The following HTR2C variants were observed in gnomAD, a reference collection of about 807,000 sequenced individuals.
HTR2C encodes 5-hydroxytryptamine (serotonin) receptor 2C, G protein-coupled.
A neutral mutation model predicts 21.0 loss-of-function variants in HTR2C; 5 were observed. The observed-to-expected ratio is 0.24, with a 90% CI of 0.12 to 0.50. The LOEUF (loss-of-function observed/expected upper bound fraction) is 0.50, where lower values mean the gene tolerates loss of function less well. HTR2C is among the 20% of genes least tolerant of loss of function. The pLI, the probability that HTR2C is intolerant of heterozygous loss-of-function variation, is 0.98. For synonymous variants in HTR2C, 150 were observed against 145.3 expected (o/e 1.03, Z -0.23); for missense variants, 271 against 371.2 (o/e 0.73, Z 2.22).
rs1927302873 is a variant in HTR2C at position 114,584,511 on chromosome X, C to T, written c.-295C>T. The T allele has an allele frequency of 8.8e-6, 1 of 113,141 alleles. No homozygotes were observed. The highest frequency in any genetic ancestry group is 1.9e-5 in the Non-Finnish European group (1 of 53,336). 9.3% of individuals were successfully genotyped at this position (113,141 alleles called of 1,213,427 possible). A position where few individuals can be genotyped will look rare whatever the true frequency, so the allele number is the denominator to read the frequency against. On this transcript the variant is annotated 5_prime_UTR_variant, in exon 1 of 6. Coordinates refer to ENST00000276198, the MANE Select transcript of HTR2C (RefSeq NM_000868.4). Reference sequence around the variant, plus strand: ...CCGAGCTCCCTCCATTCCTCTCCCTCCGCCGAGGCGCGAGGTTGCGGCGCG... The same window carrying T: ...CCGAGCTCCCTCCATTCCTCTCCCTTCGCCGAGGCGCGAGGTTGCGGCGCG...
At chrX:114,894,643 G>A (rs1409010533) in intron 5 of HTR2C, among the ~76,000 whole-genome samples, 1 of 111,430 alleles carries the variant, frequency 9.0e-6, no homozygotes, top group Non-Finnish European at 1.9e-5. Flanking sequence ...TTATGTGCTT[G>A]TAAATTATAT....
chrX:114,595,979 T>A (rs188972019), intron 1 of HTR2C, among the ~76,000 whole-genome samples: 2 of 112,194 alleles, frequency 1.8e-5, no homozygotes, highest in East Asian at 5.6e-4. Flanking sequence ...CTTACTTTCA[T>A]GACTATTAGC....
At chrX:114,649,188 T>C (rs1310821375) in intron 2 of HTR2C, among the ~76,000 whole-genome samples, 4 of 112,217 alleles carry the variant, frequency 3.6e-5, no homozygotes, top group African/African-American at 1.3e-4. Context: ...TCTAATACAC[T>C]TTTCAAGCAC....
At chrX:114,746,946 C>T (rs1278864766) in intron 4 of HTR2C, among the ~76,000 whole-genome samples, 2 of 110,881 alleles carry the variant, frequency 1.8e-5, no homozygotes, top group Non-Finnish European at 3.8e-5. Flanking sequence ...GATCGAGCCA[C>T]TGCACTCCAG....
In HTR2C at chrX:114,801,205, T is replaced by C. The variant is rs1336317444; in HGVS notation, c.350-46798T>C. Among the ~76,000 whole-genome samples, 5 of 111,553 alleles carry C rather than the reference T, an allele frequency of 4.5e-5. No individual in the cohort carries two copies. In the South Asian group the frequency reaches 1.9e-3, roughly 41 times the overall value. On this transcript the variant is annotated intron_variant, in intron 4 of 5. Transcript: ENST00000276198. ...GTATTAACCCGTAAGCATTTAAAAA[T>C]ACTTGTCTAGATCACATGGAAGAGG...
intron 2 of HTR2C, among the ~76,000 whole-genome samples, chrX:114,629,315 T>C (rs781868720): frequency 8.9e-6 from 1 of 111,830 alleles, no homozygotes; most frequent in Non-Finnish European, 1.9e-5. Context: ...ACTTTTAAAT[T>C]GTTTTCCTCC....
intron 1 of HTR2C, among the ~76,000 whole-genome samples, chrX:114,604,917 G>A (rs1377723841): frequency 3.6e-5 from 4 of 111,138 alleles, no homozygotes; most frequent in Non-Finnish European, 7.6e-5. Context: ...CCTTGAAGGC[G>A]AGGTTAATTA....
chrX:114,688,718 G>A (rs782698996), intron 2 of HTR2C, among the ~76,000 whole-genome samples: 3 of 111,735 alleles, frequency 2.7e-5, no homozygotes, highest in South Asian at 3.7e-4. Flanking sequence ...GTAAATAGGC[G>A]TTTTGTTTAA....
At chrX:114,638,499 G>GTTTATTTATTTATTTATTTA (rs200717009) in intron 2 of HTR2C, among the ~76,000 whole-genome samples, 2,435 of 100,706 alleles carry the variant, frequency 0.024, 32 homozygotes, top group South Asian at 0.042. Context: ...TATGTAATAC[G>GTTTATTTATTTATTTATTTA]TTTATTTATT....
At chrX:114,660,718 C>T (rs1362926768) in intron 2 of HTR2C, among the ~76,000 whole-genome samples, 1 of 111,510 alleles carries the variant, frequency 9.0e-6, no homozygotes, top group Non-Finnish European at 1.9e-5. Context: ...AGTACAATGC[C>T]CTTTTTAGGA....
At chrX:114,720,517 T>C (rs1291797158) in intron 2 of HTR2C, among the ~76,000 whole-genome samples, 4 of 10,540 alleles carry the variant, frequency 3.8e-4, no homozygotes, top group African/African-American at 6.4e-4. Flanking sequence ...TTTCTTTTTC[T>C]TTTTTTTTTT....
intron 4 of HTR2C, among the ~76,000 whole-genome samples, chrX:114,752,480 C>G (rs1055233737): frequency 4.5e-5 from 5 of 110,897 alleles, no homozygotes; most frequent in African/African-American, 6.5e-5. Flanking sequence ...GCCTTCTGGT[C>G]CACTGTACCA....
At chrX:114,689,424 A>G (rs1183277232) in intron 2 of HTR2C, among the ~76,000 whole-genome samples, 1 of 109,361 alleles carries the variant, frequency 9.1e-6, no homozygotes, top group Non-Finnish European at 1.9e-5. Context: ...TTCTTTAAGG[A>G]ATCTCCGTAC....
At chrX:114,657,972 C>T (rs1396950919) in intron 2 of HTR2C, among the ~76,000 whole-genome samples, 1 of 110,993 alleles carries the variant, frequency 9.0e-6, no homozygotes, top group Non-Finnish European at 1.9e-5. Context: ...AATAAAAAAA[C>T]AAGATGCCCA....
intron 4 of HTR2C, among the ~76,000 whole-genome samples, chrX:114,792,657 T>C (rs781863522): frequency 4.5e-5 from 5 of 111,745 alleles, no homozygotes; most frequent in African/African-American, 1.6e-4. Flanking sequence ...CTGGGTCAAA[T>C]GGTATTTCTG....
intron 4 of HTR2C, among the ~76,000 whole-genome samples, chrX:114,843,434 G>A (rs1001700022): frequency 9.0e-6 from 1 of 111,387 alleles, no homozygotes; most frequent in Non-Finnish European, 1.9e-5. Flanking sequence ...CCAGTCCAAG[G>A]AGCATAAAGA....
intron 2 of HTR2C, among the ~76,000 whole-genome samples, chrX:114,638,603 A>C (rs1366342643): frequency 6.6e-5 from 7 of 105,646 alleles, no homozygotes; most frequent in Non-Finnish European, 9.7e-5. Context: ...TATACATGTG[A>C]CATGCTGGTG....
intron 5 of HTR2C, among the ~76,000 whole-genome samples, chrX:114,905,379 A>G (rs2071364113): frequency 8.9e-6 from 1 of 112,194 alleles, no homozygotes; most frequent in Admixed American, 9.5e-5. Flanking sequence ...AGCAAGCTCT[A>G]GCAAAGAAGC....
intron 2 of HTR2C, among the ~76,000 whole-genome samples, chrX:114,679,628 G>A (rs1931683813): frequency 1.8e-5 from 2 of 111,479 alleles, no homozygotes; most frequent in South Asian, 7.4e-4. Context: ...ATAATCCAGT[G>A]AGAAAATCAC....
Sources: gnomAD v4.1 joint callset for allele counts (sites outside exome capture counted in the v4.1 genomes callset) on GRCh38, gnomAD v4.1.1 for gene constraint, MANE v1.5 for transcripts, NCBI Gene and HGNC (gene_info 2026-07-23, HGNC 2026-07-21) for gene names.